PLEKHH3: variants seen among roughly 807,000 people sequenced by gnomAD.
The protein encoded by PLEKHH3 is pleckstrin homology domain-containing family H member 3.
In PLEKHH3, 57 loss-of-function variants were observed where a neutral mutation model predicts 77.8. The ratio of observed to expected loss-of-function variants is 0.73; its 90% CI spans 0.59 to 0.91. The LOEUF is 0.91. PLEKHH3 is among the 40% of genes least tolerant of loss of function. The pLI, the probability that PLEKHH3 is intolerant of heterozygous loss-of-function variation, is 0.00. For missense variants in PLEKHH3, 1,082 were observed against 1,091.2 expected, an observed-to-expected ratio of 0.99 and a Z score of 0.12; for synonymous variants, 467 against 504.8, an observed-to-expected ratio of 0.93 and a Z score of 1.00.
At chr17:42,675,921 C>T in intron 1 of PLEKHH3, 1 of 1,014,928 alleles carries the variant, frequency 9.9e-7, no homozygotes, top group Non-Finnish European at 1.2e-6. Context: ...TTGGGGTCCC[C>T]GCCACAGACC....
rs979461064 is a variant in PLEKHH3, at chr17:42,673,382, C to G, written c.648+17G>C. ...GCTTTGGGGTCCACCACTCTCCTGG[C>G]TCTCCCTGGTGTGTACCTGTATGTC... On this transcript the variant is annotated intron_variant, in intron 5 of 12. Transcript: ENST00000591022. 1 of 1,612,636 alleles carries G rather than the reference C, an allele frequency of 6.2e-7. No homozygotes were observed. Among genetic ancestry groups the G allele is most frequent in the Admixed American group, 1.7e-5 (1 of 59,764 alleles).
At position 42,672,346 on chromosome 17, in the gene PLEKHH3, C is replaced by T. The variant is rs2052722233; in HGVS notation, c.816G>A (p.Leu272=). The part of the protein sequence containing the change: ...PLREEAVRLF[L]ALQALEGARR... Reference sequence around the variant, plus strand: ...GCGCCCCCTCCAGCGCCTGCAGCGCCAAGAACAGCCGCACCGCCTCCTCGC... The same window carrying T: ...GCGCCCCCTCCAGCGCCTGCAGCGCTAAGAACAGCCGCACCGCCTCCTCGC... The change falls in exon 7 of 13, where the codon TTG becomes TTA. Residue 272 remains leucine, a synonymous_variant. Coordinates refer to ENST00000591022, the MANE Select transcript of PLEKHH3 (RefSeq NM_024927.5). The T allele has an allele frequency of 6.5e-7, 1 of 1,544,450 alleles. No individual in the cohort carries two copies. The highest frequency in any genetic ancestry group is 8.7e-7 in the Non-Finnish European group (1 of 1,145,668).
rs1247751105 is a variant in PLEKHH3 at position 42,676,504 on chromosome 17, C to T, written c.60G>A (p.Leu20=). ...GCTCGCCGTCCCCGTAGTCCCGGTG[C>T]AGAAGAGTGAAGCCTCGACGGCAGC... ...LLCCRRGFTL[L]HRDYGDGELS... The change falls in exon 1 of 13, where the codon CTG becomes CTA. Residue 20 remains leucine, a synonymous_variant. Coordinates refer to ENST00000591022, the MANE Select transcript of PLEKHH3 (RefSeq NM_024927.5). The surrounding 1 kb of genome is among the most constrained non-coding windows in gnomAD (Gnocchi z 6.6). The T allele has an allele frequency of 6.2e-7, 1 of 1,607,460 alleles. No homozygotes were observed. Among genetic ancestry groups the T allele is most frequent in the Non-Finnish European group, 8.5e-7 (1 of 1,177,224 alleles).
At position 42,668,160 on chromosome 17, in the gene PLEKHH3, T is replaced by C; in HGVS notation, c.2349A>G (p.Gly783=). The change falls in exon 13 of 13, where the codon GGA becomes GGG. Residue 783 remains glycine, a synonymous_variant. Transcript: ENST00000591022. ...GCAGCTGCCCCAAGCAGCCAGACTG[T>C]CCCTGGGGCTCGTCCAGGCCCGGGC... ...SQRPGLDEPQ[G]QSGCLGQLQD is the part of the protein sequence containing the mutation. 6.7e-7 allele frequency: 1 copy of C among 1,499,980 alleles called. No individual in the cohort carries two copies. Among genetic ancestry groups the C allele is most frequent in the Non-Finnish European group, 8.8e-7 (1 of 1,132,268 alleles). 92.9% of individuals were successfully genotyped at this position (1,499,980 alleles called of 1,614,324 possible). A position where few individuals can be genotyped will look rare whatever the true frequency, so the allele number is the denominator to read the frequency against.
chr17:42,676,302 G>A lies in PLEKHH3; in HGVS notation c.162+100C>T. On this transcript the variant is annotated intron_variant, in intron 1 of 12. Coordinates refer to ENST00000591022, the MANE Select transcript of PLEKHH3 (RefSeq NM_024927.5). This position sits in a 1 kb window ranked among gnomAD's most constrained non-coding sequence, Gnocchi z 6.6. The stretch of plus-strand genomic sequence containing the variant: ...AAAAACTCTCCCTCATCCCTAGTTC[G>A]CCAAGCGCGCAGCGTGTGGCTGGAG... 2 of 1,552,196 alleles carry A rather than the reference G, an allele frequency of 1.3e-6. No homozygotes were observed. Among genetic ancestry groups the A allele is most frequent in the South Asian group, 1.2e-5 (1 of 83,934 alleles).
chr17:42,670,961 T>C (rs750965459), intron 9 of PLEKHH3, 33 bp downstream of exon 9: 28 of 1,603,446 alleles, frequency 1.7e-5, no homozygotes, highest in African/African-American at 4.0e-5. Flanking sequence ...GTGGATGGGC[T>C]AATAGAGAGC....
In PLEKHH3 at chr17:42,676,806, G is replaced by T; in HGVS notation, c.-243C>A. ...GGGGGAAAAGCGTCCAGGGCCCCGG[G>T]AGAGGAGGGAGCAATGTCCGGAGCT... On this transcript the variant is annotated 5_prime_UTR_variant, in exon 1 of 13. Transcript: ENST00000591022. This position sits in a 1 kb window ranked among gnomAD's most constrained non-coding sequence, Gnocchi z 6.6. 2 of 576,982 alleles carry T rather than the reference G, an allele frequency of 3.5e-6. No individual in the cohort carries two copies. Among genetic ancestry groups the T allele is most frequent in the Non-Finnish European group, 6.2e-6 (2 of 324,036 alleles). The allele number at this position is 576,982 out of a possible 1,614,324, so 35.7% of individuals were successfully genotyped here. A position where few individuals can be genotyped will look rare whatever the true frequency, so the allele number is the denominator to read the frequency against.
chr17:42,676,082 G>A lies in PLEKHH3; in HGVS notation c.162+320C>T, dbSNP rs574740853. The stretch of plus-strand genomic sequence containing the variant: ...GCCACATTCCTCGGCGCTGGCGGAG[G>A]CGGAAGGAGACGGGATGGGACGCGG... On this transcript the variant is annotated intron_variant, in intron 1 of 12. Transcript: ENST00000591022. The surrounding 1 kb of genome is among the most constrained non-coding windows in gnomAD (Gnocchi z 6.6). 2 of 1,210,300 alleles carry A rather than the reference G, an allele frequency of 1.7e-6. No homozygotes were observed. The highest frequency in any genetic ancestry group is 9.2e-5 in the East Asian group (2 of 21,812). 75.0% of individuals were successfully genotyped at this position (1,210,300 alleles called of 1,614,324 possible).
intron 6 of PLEKHH3, 28 bp from the exon 7 acceptor site, chr17:42,672,420 GT>G: frequency 6.8e-7 from 1 of 1,479,792 alleles, no homozygotes; most frequent in Middle Eastern, 2.4e-4. Context: ...CGGAGGGACG[GT>G]TTGGAGAGGG....
rs1171711432 is a variant in PLEKHH3 at position 42,673,933 on chromosome 17, C to T, written c.298+1G>A. 6.2e-7 allele frequency: 1 copy of T among 1,613,410 alleles called. No homozygotes were observed. Among genetic ancestry groups the T allele is most frequent in the African/African-American group, 1.3e-5 (1 of 74,998 alleles). Reference sequence around the variant, plus strand: ...CAGAGTGCACTGAGGGGGGTCTCTACCTTTCACAACGATGTCCGGGTCGTC... The same window carrying T: ...CAGAGTGCACTGAGGGGGGTCTCTATCTTTCACAACGATGTCCGGGTCGTC... On this transcript the variant is annotated splice_donor_variant, in intron 3 of 12. Coordinates refer to ENST00000591022, the MANE Select transcript of PLEKHH3 (RefSeq NM_024927.5). LOFTEE classifies it high-confidence loss of function.
chr17:42,673,411 G>C lies in PLEKHH3; in HGVS notation c.636C>G (p.Leu212=). 1.9e-6 allele frequency: 3 copies of C among 1,613,550 alleles called. No individual in the cohort carries two copies. The highest frequency in any genetic ancestry group is 2.5e-6 in the Non-Finnish European group (3 of 1,179,920). The change falls in exon 5 of 13, where the codon CTC becomes CTG. Residue 212 remains leucine (L), a synonymous_variant. Transcript: ENST00000591022. ...APLETPTQLL[L]RDIQESCGDP... ...CCCTGGTGTGTACCTGTATGTCCCT[G>C]AGCAGTAGCTGGGTGGGGGTCTCCA...
chr17:42,676,371 T>G lies in PLEKHH3; in HGVS notation c.162+31A>C. The stretch of plus-strand genomic sequence containing the variant: ...GACGGCCGGTTACAGCGAGAGTGAT[T>G]GAGACGAGGCTCCGAACCCCCGGGA... On this transcript the variant is annotated intron_variant, in intron 1 of 12. Transcript: ENST00000591022. This position sits in a 1 kb window ranked among gnomAD's most constrained non-coding sequence, Gnocchi z 6.6. 6.2e-7 allele frequency: 1 copy of G among 1,610,846 alleles called. No individual in the cohort carries two copies. Among genetic ancestry groups the G allele is most frequent in the South Asian group, 1.1e-5 (1 of 91,014 alleles).
chr17:42,668,009 T>C lies in PLEKHH3; in HGVS notation c.*118A>G. 2.5e-6 allele frequency: 2 copies of C among 793,930 alleles called. No homozygotes were observed. Among genetic ancestry groups the C allele is most frequent in the Non-Finnish European group, 3.4e-6 (2 of 587,454 alleles). 49.2% of individuals were successfully genotyped at this position (793,930 alleles called of 1,614,324 possible). A position where few individuals can be genotyped will look rare whatever the true frequency, so the allele number is the denominator to read the frequency against. On this transcript the variant is annotated 3_prime_UTR_variant, in exon 13 of 13. Transcript: ENST00000591022. Reference sequence around the variant, plus strand: ...AAATTACCCACACCCATTGTAGCCCTTGGGTGTGGGATGTGCCCTGTCCCT... The same window carrying C: ...AAATTACCCACACCCATTGTAGCCCCTGGGTGTGGGATGTGCCCTGTCCCT...
Position 42,669,768 on chromosome 17 carries a change from G to A in PLEKHH3, c.2014-147C>T, listed in dbSNP as rs772701643. On this transcript the variant is annotated intron_variant, in intron 11 of 12. Transcript: ENST00000591022. ...GAGGGGGCTGAGGCTCCAGGGATGTGAGGGCCCAAGGGCTGGTGACTCCTG... is the reference window on the plus strand; with the variant it reads ...GAGGGGGCTGAGGCTCCAGGGATGTAAGGGCCCAAGGGCTGGTGACTCCTG... 18 of 1,491,676 alleles carry A rather than the reference G, an allele frequency of 1.2e-5. No homozygotes were observed. The Admixed American group carries it at 3.2e-4, about 26-fold the overall frequency. 92.4% of individuals were successfully genotyped at this position (1,491,676 alleles called of 1,614,324 possible).
intron 4 of PLEKHH3, 39 bp from the exon 5 acceptor site, chr17:42,673,595 GC>G (rs2052752267): frequency 6.3e-7 from 1 of 1,591,030 alleles, no homozygotes; most frequent in African/African-American, 1.3e-5. Flanking sequence ...ATTAGGGTCT[GC>G]CGGGGCCCCT....
chr17:42,668,817 TTTTGTTG>T (rs1053520753), intron 12 of PLEKHH3: 11 of 94,300 alleles, frequency 1.2e-4, no homozygotes, highest in Admixed American at 3.1e-4. Flanking sequence ...TAACATTTTT[TTTTGTTG>T]TTGTTGTTGT....
chr17:42,673,222 G>C lies in PLEKHH3; in HGVS notation c.723C>G (p.Ala241=). ...GCAGGGGCAGGAGTGGGGCATACAA[G>C]GCTCCACTAGTGTGTCTCAGAATCG... The part of the protein sequence containing the change: ...RNPILRHTSG[A]LYAPLLPLPY... Residue 241 remains alanine (A), a synonymous_variant, in exon 6 of 13, where the codon GCC becomes GCG. Transcript: ENST00000591022. 1 of 1,571,310 alleles carries C rather than the reference G, an allele frequency of 6.4e-7. No homozygotes were observed. Among genetic ancestry groups the C allele is most frequent in the Non-Finnish European group, 8.6e-7 (1 of 1,161,746 alleles).
rs775817806 is a variant in PLEKHH3 at position 42,670,554 on chromosome 17, G to A, written c.1554+19C>T. The A allele has an allele frequency of 6.3e-7, 1 of 1,599,058 alleles. No individual in the cohort carries two copies. The highest frequency in any genetic ancestry group is 1.7e-5 in the Admixed American group (1 of 59,450). ...GGCTTGGGGGTCTGTTTGGAGGCGT[G>A]AACGCCGGAGAGCCTCACCTGCTCA... On this transcript the variant is annotated intron_variant, in intron 10 of 12. Coordinates refer to ENST00000591022, the MANE Select transcript of PLEKHH3 (RefSeq NM_024927.5).
chr17:42,674,397 C>T lies in PLEKHH3; in HGVS notation c.175G>A (p.Val59Met), dbSNP rs1258469005. The part of the protein sequence containing the change: ...PAGGGRGPLE[V>M]TLTQPVRSGP... Reference sequence around the variant, plus strand: ...CTCCTCACTGGCTGAGTCAGCGTCACTTCCAGGGGACCCTGGGGAGACAGG... The same window carrying T: ...CTCCTCACTGGCTGAGTCAGCGTCATTTCCAGGGGACCCTGGGGAGACAGG... The change falls in exon 2 of 13, where the codon GTG (valine) becomes ATG (methionine). Residue 59 changes from valine (V) to methionine (M), a missense_variant. By Grantham distance (21) the Val-to-Met change is conservative. Around this residue, in one of 3 missense-constraint regions of PLEKHH3, gnomAD observed 344 missense variants for 320.8 expected, o/e 1.07. Transcript: ENST00000591022. The T allele has an allele frequency of 6.3e-7, 1 of 1,594,864 alleles. No individual in the cohort carries two copies. The highest frequency in any genetic ancestry group is 1.8e-5 in the Admixed American group (1 of 55,920).
Sources: gnomAD v4.1 joint callset for allele counts on GRCh38, gnomAD v4.1.1 for gene constraint, gnomAD v4.1.1 regional missense constraint, Gnocchi (gnomAD v3.1) non-coding constraint, MANE v1.5 for transcripts, NCBI Gene and HGNC (gene_info 2026-07-23, HGNC 2026-07-21) for gene names.